Variants in KIF13A observed in about 807,000 individuals in gnomAD.
KIF13A encodes the protein kinesin family member 13A.
A neutral mutation model predicts 212.2 loss-of-function variants in KIF13A; 79 were observed. The ratio of observed to expected loss-of-function variants is 0.37; its 90% confidence interval spans 0.31 to 0.45. The LOEUF (loss-of-function observed/expected upper bound fraction) is 0.45, where lower values mean the gene tolerates loss of function less well. Ranked by LOEUF, KIF13A falls within the 20% of genes least tolerant of loss-of-function variation. The probability of loss-of-function intolerance (pLI) is 1.00; values close to 1 mark genes in which losing one functional copy is unlikely to be tolerated. For missense variants in KIF13A, 1,901 were observed against 2,209.0 expected, an observed-to-expected ratio of 0.86 and a Z score of 2.79; for synonymous variants, 789 against 808.6, an observed-to-expected ratio of 0.98 and a Z score of 0.41.
intron 3 of KIF13A, among the ~76,000 whole-genome samples, chr6:17,874,283 G>GTTTTTGTTT (rs368849151): frequency 2.7e-5 from 4 of 147,940 alleles, no homozygotes; most frequent in Non-Finnish European, 4.5e-5. Flanking sequence ...TTTTGTTTTT[G>GTTTTTGTTT]TTTTTTGGTG....
chr6:17,795,045 G>C (rs1197301968), intron 23 of KIF13A: 1 of 212,064 alleles, frequency 4.7e-6, no homozygotes, highest in African/African-American at 2.3e-5. Flanking sequence ...GTAACTCTCA[G>C]AGATTAGTTT....
At chr6:17,788,531 A>G (rs1029766852) in intron 26 of KIF13A, among the ~76,000 whole-genome samples, 5 of 152,236 alleles carry the variant, frequency 3.3e-5, no homozygotes, top group African/African-American at 9.6e-5. Context: ...ACGTTAGTCA[A>G]TGGCATTGCT....
rs932961651 is a variant in KIF13A, at chr6:17,811,801, T to TCTTC, written c.2001-2875_2001-2872dup. Among the ~76,000 whole-genome samples, 34 of 152,196 alleles carry TCTTC rather than the reference T, an allele frequency of 2.2e-4. No homozygotes were observed. In the South Asian group the frequency reaches 2.7e-3, roughly 12 times the overall value. ...TCCCAAAATATCTCATCTTTTTTTT[T>TCTTC]CTTCCTTCCTTCCTTCCTTCTCTCC... On this transcript the variant is annotated intron_variant, in intron 17 of 38. Coordinates refer to ENST00000259711, the MANE Select transcript of KIF13A (RefSeq NM_022113.6). The surrounding 1 kb of genome is among the most constrained non-coding windows in gnomAD (Gnocchi z 6.0).
intron 2 of KIF13A, among the ~76,000 whole-genome samples, chr6:17,974,968 T>C (rs568971766): frequency 2.6e-5 from 4 of 152,348 alleles, no homozygotes; most frequent in African/African-American, 9.6e-5. Flanking sequence ...GGAAGTTCTA[T>C]TGGACAGTGC....
At position 17,982,573 on chromosome 6, in the gene KIF13A, TA is replaced by T. The variant is rs1781184064; in HGVS notation, c.146+4480del. Among the ~76,000 whole-genome samples the T allele has an allele frequency of 6.6e-6, 1 of 152,198 alleles. No homozygotes were observed. Among genetic ancestry groups the T allele is most frequent in the Non-Finnish European group, 1.5e-5 (1 of 68,028 alleles). The stretch of plus-strand genomic sequence containing the variant: ...CATATGGAAAAAATGAACAGGAAGC[TA>T]AAAACTTTCATGCTCTTCTACCGAG... On this transcript the variant is annotated intron_variant, in intron 2 of 38. Coordinates refer to ENST00000259711, the MANE Select transcript of KIF13A (RefSeq NM_022113.6). The surrounding 1 kb of genome is among the most constrained non-coding windows in gnomAD (Gnocchi z 5.1).
rs1405760764 is a variant in KIF13A at position 17,771,050 on chromosome 6, T to C, written c.4581+64A>G. On this transcript the variant is annotated intron_variant, in intron 38 of 38. Transcript: ENST00000259711. The surrounding 1 kb of genome is among the most constrained non-coding windows in gnomAD (Gnocchi z 5.4). ...TTAATTTCTTCTAGCATTTGGATGA[T>C]TGTCTGTGAAAGGGCCTTAAACCCA... 3 of 1,011,522 alleles carry C rather than the reference T, an allele frequency of 3.0e-6. No homozygotes were observed. The highest frequency in any genetic ancestry group is 4.6e-6 in the Non-Finnish European group (3 of 655,598). The allele number at this position is 1,011,522 out of a possible 1,614,324, so 62.7% of individuals were successfully genotyped here.
At chr6:17,865,250 A>G (rs1283268522) in intron 4 of KIF13A, among the ~76,000 whole-genome samples, 1 of 152,056 alleles carries the variant, frequency 6.6e-6, no homozygotes, top group Non-Finnish European at 1.5e-5. Flanking sequence ...CAATAATTTC[A>G]TCAGTTTAAA....
chr6:17,788,879 C>G (rs554169745), intron 26 of KIF13A, among the ~76,000 whole-genome samples: 1 of 152,296 alleles, frequency 6.6e-6, no homozygotes, highest in African/African-American at 2.4e-5. Context: ...CGCGCGCCAC[C>G]ACGCCCAGCT....
At chr6:17,823,549 C>A (rs1254950667) in intron 16 of KIF13A, among the ~76,000 whole-genome samples, 1 of 151,706 alleles carries the variant, frequency 6.6e-6, no homozygotes, top group Non-Finnish European at 1.5e-5. Flanking sequence ...CTCACTGCAA[C>A]CTCCGCCTCT....
At position 17,772,245 on chromosome 6, in the gene KIF13A, A is replaced by G. The variant is rs1476321079; in HGVS notation, c.4325-186T>C. On this transcript the variant is annotated intron_variant, in intron 36 of 38. Transcript: ENST00000259711. This position sits in a 1 kb window ranked among gnomAD's most constrained non-coding sequence, Gnocchi z 4.8. ...CAACATAGGGACACCAGTCTGTGAA[A>G]AAAAAAATAAACAGATAGCCAGGCA... Among the ~76,000 whole-genome samples, 7 of 152,138 alleles carry G rather than the reference A, an allele frequency of 4.6e-5. No individual in the cohort carries two copies. The highest frequency in any genetic ancestry group is 1.0e-4 in the Non-Finnish European group (7 of 68,012).
intron 30 of KIF13A, 36 bp downstream of exon 30, chr6:17,781,141 C>G (rs2150307527): frequency 3.7e-6 from 6 of 1,613,112 alleles, no homozygotes; most frequent in Non-Finnish European, 5.1e-6. Context: ...GTGTGCTAAT[C>G]TGAAGCCTTT....
At position 17,968,845 on chromosome 6, in the gene KIF13A, G is replaced by A. The variant is rs1779552578; in HGVS notation, c.146+18209C>T. ...TTTAATGCAGAAATTAGAGGTCTCAGAGGGCCCAGACTAGAAGCACTAGAA... is the reference window on the plus strand; with the variant it reads ...TTTAATGCAGAAATTAGAGGTCTCAAAGGGCCCAGACTAGAAGCACTAGAA... On this transcript the variant is annotated intron_variant, in intron 2 of 38. Coordinates refer to ENST00000259711, the MANE Select transcript of KIF13A (RefSeq NM_022113.6). This position sits in a 1 kb window ranked among gnomAD's most constrained non-coding sequence, Gnocchi z 4.7. 6.6e-6 allele frequency among the ~76,000 whole-genome samples: 1 copy of A among 152,194 alleles called. No individual in the cohort carries two copies. The highest frequency in any genetic ancestry group is 2.4e-5 in the African/African-American group (1 of 41,438).
At chr6:17,881,968 C>A (rs554078772) in intron 3 of KIF13A, 128 of 454,772 alleles carry the variant, frequency 2.8e-4, no homozygotes, top group African/African-American at 2.5e-3. Flanking sequence ...TGCACTCCAG[C>A]CTGGGCAACA....
rs2150310071 is a variant in KIF13A, at chr6:17,783,122, C to G, written c.3544+524G>C. Among the ~76,000 whole-genome samples, 1 of 152,336 alleles carries G rather than the reference C, an allele frequency of 6.6e-6. No individual in the cohort carries two copies. Among genetic ancestry groups the G allele is most frequent in the East Asian group, 1.9e-4 (1 of 5,184 alleles). ...CCTGCCCACTGCAAACTCAGCAACT[C>G]TGCCGTTGTTTTCTACACATGGGGT... is the stretch of plus-strand genomic sequence containing the variant. On this transcript the variant is annotated intron_variant, in intron 29 of 38. Transcript: ENST00000259711. The surrounding 1 kb of genome is among the most constrained non-coding windows in gnomAD (Gnocchi z 4.3).
Position 17,799,193 on chromosome 6 carries a change from G to A in KIF13A, c.2790+73C>T. 1.9e-6 allele frequency: 2 copies of A among 1,025,874 alleles called. No individual in the cohort carries two copies. Among genetic ancestry groups the A allele is most frequent in the Middle Eastern group, 3.3e-4 (1 of 3,010 alleles). 63.5% of individuals were successfully genotyped at this position (1,025,874 alleles called of 1,614,324 possible). A position where few individuals can be genotyped will look rare whatever the true frequency, so the allele number is the denominator to read the frequency against. On this transcript the variant is annotated intron_variant, in intron 22 of 38. Transcript: ENST00000259711. The surrounding 1 kb of genome is among the most constrained non-coding windows in gnomAD (Gnocchi z 4.4). ...ATTATACTTAAAACAAATGCTTGTG[G>A]GGACAACTGATTGTTGAACTGCACC... is the stretch of plus-strand genomic sequence containing the variant.
intron 9 of KIF13A, among the ~76,000 whole-genome samples, chr6:17,841,510 G>A (rs1210700476): frequency 1.3e-5 from 2 of 152,130 alleles, no homozygotes; most frequent in Non-Finnish European, 1.5e-5. Flanking sequence ...GCAAACAGAC[G>A]AAAAATATTT....
chr6:17,973,931 T>C (rs1042112107), intron 2 of KIF13A, among the ~76,000 whole-genome samples: 4 of 152,196 alleles, frequency 2.6e-5, no homozygotes, highest in African/African-American at 9.7e-5. Context: ...TTCTAACAAG[T>C]TGGTATCAGG....
At chr6:17,836,797 ATTG>A in intron 11 of KIF13A, 78 bp downstream of exon 11, 3 of 1,240,210 alleles carry the variant, frequency 2.4e-6, no homozygotes, top group Non-Finnish European at 3.5e-6. Context: ...ATGACCTACA[ATTG>A]CAAATGAGCA....
chr6:17,764,302 T>C lies in KIF13A; in HGVS notation c.5226A>G (p.Ser1742=), dbSNP rs762879460. The change falls in exon 39 of 39, where the codon TCA becomes TCG. Residue 1742 remains serine, a synonymous_variant. Transcript: ENST00000259711. This position sits in a 1 kb window ranked among gnomAD's most constrained non-coding sequence, Gnocchi z 5.1. ...DHSFTEFMGV[S]EGKDFDGLTD... ...TCAAACCATCAAAATCTTTTCCCTC[T>C]GACACTCCCATAAATTCTGTGAAAG... is the stretch of plus-strand genomic sequence containing the variant. The C allele has an allele frequency of 3.0e-5, 48 of 1,613,916 alleles. No individual in the cohort carries two copies. In the Admixed American group the frequency reaches 6.2e-4, roughly 21 times the overall value.
Sources: gnomAD v4.1 joint callset for allele counts (sites outside exome capture counted in the v4.1 genomes callset) on GRCh38, gnomAD v4.1.1 for gene constraint, Gnocchi (gnomAD v3.1) non-coding constraint, MANE v1.5 for transcripts, NCBI Gene and HGNC (gene_info 2026-07-23, HGNC 2026-07-21) for gene names.